Variants in SOX5 observed in about 807,000 individuals in gnomAD.
The protein encoded by SOX5 is SRY-box transcription factor 5.
SOX5 carries 9 observed loss-of-function variants against 92.0 expected under a neutral mutation model. That is an observed-to-expected ratio of 0.10 (90% confidence interval 0.06 to 0.17). The LOEUF (loss-of-function observed/expected upper bound fraction) is 0.17, where lower values mean the gene tolerates loss of function less well. SOX5 is among the 10% of genes least tolerant of loss of function. The pLI, the probability that SOX5 is intolerant of heterozygous loss-of-function variation, is 1.00. For synonymous variants in SOX5, 344 were observed against 336.3 expected, an observed-to-expected ratio of 1.02 and a Z score of -0.25; for missense variants, 642 against 944.5, an observed-to-expected ratio of 0.68 and a Z score of 4.20.
At position 24,393,093 on chromosome 12, in the gene SOX5, C is replaced by T. The variant is rs1469447071; in HGVS notation, c.-250-24454G>A. On this transcript the variant is annotated intron_variant, in intron 1 of 4. Transcript: ENST00000446891. This position sits in a 1 kb window ranked among gnomAD's most constrained non-coding sequence, Gnocchi z 5.0. ...ATTTTTTTCTTTTCTATCTCAACCA[C>T]CACTCTCCCAATTATAATAAATGAA... 6.6e-6 allele frequency among the ~76,000 whole-genome samples: 1 copy of T among 152,130 alleles called. No individual in the cohort carries two copies. Among genetic ancestry groups the T allele is most frequent in the Non-Finnish European group, 1.5e-5 (1 of 68,034 alleles).
In SOX5 at chr12:24,473,498, G is replaced by A. The variant is rs1036835942; in HGVS notation, c.-251+88831C>T. Among the ~76,000 whole-genome samples, 64 of 152,190 alleles carry A rather than the reference G, an allele frequency of 4.2e-4. 1 individual carries two copies. The highest frequency in any genetic ancestry group is 1.3e-3 in the African/African-American group (55 of 41,450). On this transcript the variant is annotated intron_variant, in intron 1 of 4. Transcript: ENST00000446891. ...AACAATAGAATTTAAGTTGACTCTG[G>A]TGTTTTCAACTATCTCCATTTGTGA...
chr12:23,703,921 T>C (rs1375560742), intron 6 of SOX5, among the ~76,000 whole-genome samples: 1 of 151,992 alleles, frequency 6.6e-6, no homozygotes, highest in Non-Finnish European at 1.5e-5. Flanking sequence ...GTTCAGTAAG[T>C]ATTAGTTTAA....
upstream of SOX5, chr12:23,949,742 C>T: frequency 9.2e-7 from 1 of 1,090,162 alleles, no homozygotes; most frequent in Admixed American, 2.5e-5. Flanking sequence ...CTCTCTCTCT[C>T]TCTCTCTCTC....
At chr12:23,824,406 G>C (rs546681570) in intron 3 of SOX5, among the ~76,000 whole-genome samples, 16 of 152,286 alleles carry the variant, frequency 1.1e-4, no homozygotes, top group South Asian at 2.1e-4. Context: ...AATTTGCTGG[G>C]GGTCCACTCC....
intron 10 of SOX5, among the ~76,000 whole-genome samples, chr12:23,572,270 T>C (rs1489337468): frequency 6.6e-6 from 1 of 152,220 alleles, no homozygotes; most frequent in Non-Finnish European, 1.5e-5. Context: ...CATCACACAT[T>C]AATTCTTCTT....
chr12:23,612,038 CTGAA>C (rs1267531252), intron 8 of SOX5, among the ~76,000 whole-genome samples: 1 of 151,792 alleles, frequency 6.6e-6, no homozygotes, highest in Non-Finnish European at 1.5e-5. Context: ...CTGTTATTAT[CTGAA>C]TGGAGAGTGA....
chr12:24,014,699 G>C (rs1953369865), intron 4 of SOX5, among the ~76,000 whole-genome samples: 2 of 152,282 alleles, frequency 1.3e-5, no homozygotes, highest in Middle Eastern at 3.4e-3. Flanking sequence ...TTGGAAAAAA[G>C]AGTAGAAAAG....
At chr12:24,390,854 T>C (rs1047374680) in intron 1 of SOX5, among the ~76,000 whole-genome samples, 1 of 152,160 alleles carries the variant, frequency 6.6e-6, no homozygotes, top group Admixed American at 6.5e-5. Context: ...GCTGATTCTA[T>C]ATCTTTGCCA....
chr12:24,392,933 C>A (rs924764035), intron 1 of SOX5, among the ~76,000 whole-genome samples: 1 of 152,072 alleles, frequency 6.6e-6, no homozygotes, highest in Non-Finnish European at 1.5e-5. Context: ...GGCTTTAGGG[C>A]CCCCATGTGA....
intron 4 of SOX5, among the ~76,000 whole-genome samples, chr12:23,750,596 T>C (rs1203880145): frequency 1.3e-5 from 2 of 151,902 alleles, no homozygotes; most frequent in African/African-American, 4.8e-5. Context: ...GTGTTTATAA[T>C]TATTTTAATT....
At chr12:23,672,237 A>C (rs571916514) in intron 6 of SOX5, among the ~76,000 whole-genome samples, 1 of 151,990 alleles carries the variant, frequency 6.6e-6, no homozygotes, top group East Asian at 1.9e-4. Flanking sequence ...CTGTATTCCT[A>C]CCCCTCCTAA....
chr12:24,189,310 T>C (rs546820177), intron 4 of SOX5, among the ~76,000 whole-genome samples: 1 of 152,316 alleles, frequency 6.6e-6, no homozygotes, highest in South Asian at 2.1e-4. Context: ...CATTCATCCT[T>C]TAATTTCTTA....
chr12:24,266,162 C>T (rs1023868520), intron 3 of SOX5, among the ~76,000 whole-genome samples: 14 of 151,422 alleles, frequency 9.2e-5, no homozygotes, highest in Admixed American at 5.3e-4. Flanking sequence ...GATCCAGCTG[C>T]CTCAGCCTCC....
chr12:24,397,441 T>C (rs1239003596), intron 1 of SOX5, among the ~76,000 whole-genome samples: 2 of 152,194 alleles, frequency 1.3e-5, no homozygotes, highest in Non-Finnish European at 2.9e-5. Context: ...TTACCAGTCA[T>C]CACTGGACAA....
intron 1 of SOX5, among the ~76,000 whole-genome samples, chr12:24,469,819 G>A (rs1944611153): frequency 6.6e-6 from 1 of 152,136 alleles, no homozygotes; most frequent in African/African-American, 2.4e-5. Flanking sequence ...TAAGCTTACT[G>A]ATTACAATTG....
chr12:23,928,420 A>G (rs976746833), intron 1 of SOX5, among the ~76,000 whole-genome samples: 3 of 152,064 alleles, frequency 2.0e-5, no homozygotes, highest in African/African-American at 7.2e-5. Flanking sequence ...TTAAAGCCCA[A>G]GAAACTGACA....
At chr12:24,137,649 A>C (rs888766839) in intron 4 of SOX5, among the ~76,000 whole-genome samples, 4 of 151,946 alleles carry the variant, frequency 2.6e-5, no homozygotes, top group African/African-American at 9.7e-5. Flanking sequence ...AAAAACAAAA[A>C]CAAAAACAAA....
chr12:24,353,006 G>A (rs1051599147), intron 2 of SOX5, among the ~76,000 whole-genome samples: 2 of 152,184 alleles, frequency 1.3e-5, no homozygotes, highest in African/African-American at 4.8e-5. Context: ...CCCAGGGGAT[G>A]GGGGTGCAAC....
At chr12:24,362,455 T>C (rs1255248844) in intron 2 of SOX5, among the ~76,000 whole-genome samples, 1 of 152,198 alleles carries the variant, frequency 6.6e-6, no homozygotes, top group Non-Finnish European at 1.5e-5. Context: ...TTGGACTGAC[T>C]TCACGGGTAA....
Sources: allele counts gnomAD v4.1 joint callset (sites outside exome capture counted in the v4.1 genomes callset), GRCh38; gene constraint gnomAD v4.1.1; non-coding constraint Gnocchi (gnomAD v3.1); transcripts MANE v1.5; gene names NCBI Gene and HGNC (gene_info 2026-07-23, HGNC 2026-07-21).